SLX4IP: variants seen among roughly 807,000 people sequenced by gnomAD.
SLX4IP encodes SLX4 interacting protein.
SLX4IP carries 34 observed loss-of-function variants against 32.9 expected under a neutral mutation model. The observed-to-expected ratio is 1.03, with a 90% CI of 0.79 to 1.38. SLX4IP has a LOEUF of 1.38. SLX4IP is among the 40% of genes most tolerant of loss of function. SLX4IP has a pLI of 0.00. For missense variants in SLX4IP, 444 were observed against 479.0 expected, an observed-to-expected ratio of 0.93 and a Z score of 0.68; for synonymous variants, 172 against 171.7, an observed-to-expected ratio of 1.00 and a Z score of -0.01.
intron 1 of SLX4IP, among the ~76,000 whole-genome samples, chr20:10,453,539 G>GA (rs1018830828): frequency 2.6e-5 from 4 of 151,966 alleles, no homozygotes; most frequent in Admixed American, 2.6e-4. Flanking sequence ...AGCTTCCTGA[G>GA]AAAAAATACA....
intron 4 of SLX4IP, among the ~76,000 whole-genome samples, chr20:10,587,615 G>A (rs760061604): frequency 1.3e-5 from 2 of 152,016 alleles, no homozygotes; most frequent in Non-Finnish European, 2.9e-5. Context: ...CAAAGCTATA[G>A]CAAGCAAAAC....
At chr20:10,446,135 C>T (rs944230419) in intron 1 of SLX4IP, among the ~76,000 whole-genome samples, 1 of 151,548 alleles carries the variant, frequency 6.6e-6, no homozygotes, top group Non-Finnish European at 1.5e-5. Flanking sequence ...CTATGATGGC[C>T]GGATGCGGTG....
At chr20:10,522,867 G>C (rs1049563886) in intron 2 of SLX4IP, among the ~76,000 whole-genome samples, 11 of 152,200 alleles carry the variant, frequency 7.2e-5, no homozygotes, top group African/African-American at 2.4e-4. Flanking sequence ...CCACCACAGG[G>C]TTGCTTGGGC....
chr20:10,537,474 T>C (rs1217414876), intron 2 of SLX4IP, among the ~76,000 whole-genome samples: 1 of 152,246 alleles, frequency 6.6e-6, no homozygotes, highest in African/African-American at 2.4e-5. Context: ...ATAACTCTTT[T>C]TAAAATTTAG....
intron 2 of SLX4IP, among the ~76,000 whole-genome samples, chr20:10,550,726 A>G (rs1289690869): frequency 4.0e-5 from 6 of 151,364 alleles, no homozygotes; most frequent in Non-Finnish European, 8.8e-5. Context: ...CTGCATTGAG[A>G]CTCTTTTCCG....
intron 2 of SLX4IP, among the ~76,000 whole-genome samples, chr20:10,480,466 G>T (rs1181412480): frequency 6.6e-6 from 1 of 152,098 alleles, no homozygotes; most frequent in African/African-American, 2.4e-5. Context: ...CATCATTCCG[G>T]ATGTGTACTG....
chr20:10,512,641 TATATAGTA>T (rs2065816902), intron 2 of SLX4IP, among the ~76,000 whole-genome samples: 1 of 144,602 alleles, frequency 6.9e-6, no homozygotes, highest in Non-Finnish European at 1.5e-5. Flanking sequence ...ATATATAGTA[TATATAGTA>T]TTTTTTATAT....
At chr20:10,559,127 T>A (rs60993720) in intron 3 of SLX4IP, among the ~76,000 whole-genome samples, 17,184 of 146,458 alleles carry the variant, frequency 0.12, 1,448 homozygotes, top group African/African-American at 0.25. Flanking sequence ...AATTGTTTTT[T>A]AAAAAAAAAA....
At chr20:10,473,171 C>T (rs746151797) in intron 2 of SLX4IP, among the ~76,000 whole-genome samples, 41 of 152,200 alleles carry the variant, frequency 2.7e-4, no homozygotes, top group Admixed American at 6.5e-4. Flanking sequence ...GGCTGTTATA[C>T]GCTGTGGTGG....
chr20:10,439,229 TTTTGA>T (rs1487165954), intron 1 of SLX4IP, among the ~76,000 whole-genome samples: 8 of 152,156 alleles, frequency 5.3e-5, no homozygotes, highest in African/African-American at 1.7e-4. Flanking sequence ...TTTTTCATTT[TTTTGA>T]GACTGGGTCC....
chr20:10,517,403 A>G (rs2065859859), intron 2 of SLX4IP, among the ~76,000 whole-genome samples: 1 of 152,214 alleles, frequency 6.6e-6, no homozygotes, highest in Non-Finnish European at 1.5e-5. Flanking sequence ...GAGTGTTCTA[A>G]CAGAAGTGAT....
intron 2 of SLX4IP, among the ~76,000 whole-genome samples, chr20:10,513,524 C>T (rs935599792): frequency 1.3e-5 from 2 of 152,216 alleles, no homozygotes; most frequent in African/African-American, 2.4e-5. Context: ...ATTAGCTGCA[C>T]CTTTTCATTA....
chr20:10,497,390 A>G (rs1237389223), intron 2 of SLX4IP, among the ~76,000 whole-genome samples: 1 of 152,116 alleles, frequency 6.6e-6, no homozygotes, highest in African/African-American at 2.4e-5. Context: ...CTGATACTTT[A>G]TGCTTTCACT....
At chr20:10,481,293 G>A (rs187933528) in intron 2 of SLX4IP, among the ~76,000 whole-genome samples, 240 of 152,254 alleles carry the variant, frequency 1.6e-3, no homozygotes, top group African/African-American at 5.5e-3. Context: ...TATGTTTATA[G>A]CATCACTATT....
chr20:10,600,665 C>A (rs1047733488), intron 5 of SLX4IP, among the ~76,000 whole-genome samples: 2 of 152,110 alleles, frequency 1.3e-5, no homozygotes, highest in African/African-American at 4.8e-5. Flanking sequence ...AATTGAGATA[C>A]CTTATTACCT....
chr20:10,578,714 C>T (rs184944357), intron 4 of SLX4IP, among the ~76,000 whole-genome samples: 16 of 152,268 alleles, frequency 1.1e-4, no homozygotes, highest in African/African-American at 3.4e-4. Flanking sequence ...TATGAGGCTT[C>T]TATTTTCTCC....
rs2067109275 is a variant in SLX4IP at position 10,621,328 on chromosome 20, C to T, written c.420C>T (p.Leu140=). 2 of 1,614,152 alleles carry T rather than the reference C, an allele frequency of 1.2e-6. No homozygotes were observed. Among genetic ancestry groups the T allele is most frequent in the Non-Finnish European group, 1.7e-6 (2 of 1,179,984 alleles). The part of the protein sequence containing the change: ...SQNEDLTERV[L]HGVSDYFAEC... The stretch of plus-strand genomic sequence containing the variant: ...TTTTGGAGTAGACAGAAAGAGTTCT[C>T]CATGGAGTGTCTGATTACTTTGCTG... The change falls in exon 7 of 8, where the codon CTC becomes CTT. Residue 140 remains leucine (L), a synonymous_variant. Coordinates refer to ENST00000334534, the MANE Select transcript of SLX4IP (RefSeq NM_001009608.3).
rs1186441389 is a variant in SLX4IP at position 10,455,898 on chromosome 20, A to T, written c.-29-2278A>T. On this transcript the variant is annotated intron_variant, in intron 1 of 7. Transcript: ENST00000334534. ...AGTGCTGGGATTACAGGTGTGAGCC[A>T]CCGTGCCTGGCCTATATGTCTGTTC... Among the ~76,000 whole-genome samples, 7 of 152,132 alleles carry T rather than the reference A, an allele frequency of 4.6e-5. No homozygotes were observed. The South Asian group carries it at 6.2e-4, about 14-fold the overall frequency.
Position 10,504,089 on chromosome 20 carries a change from C to T in SLX4IP, c.27+45858C>T, listed in dbSNP as rs562134433. 4.5e-4 allele frequency among the ~76,000 whole-genome samples: 69 copies of T among 152,282 alleles called. 1 individual carries two copies. The highest frequency in any genetic ancestry group is 6.2e-4 in the South Asian group (3 of 4,824). On this transcript the variant is annotated intron_variant, in intron 2 of 7. Coordinates refer to ENST00000334534, the MANE Select transcript of SLX4IP (RefSeq NM_001009608.3). Reference sequence around the variant, plus strand: ...GCTCTTCGTGAGAAAGAAGCAGCAGCCATGAAGAAAGCCTAGATATTTTTA... The same window carrying T: ...GCTCTTCGTGAGAAAGAAGCAGCAGTCATGAAGAAAGCCTAGATATTTTTA...
Sources: gnomAD v4.1 joint callset for allele counts (sites outside exome capture counted in the v4.1 genomes callset) on GRCh38, gnomAD v4.1.1 for gene constraint, MANE v1.5 for transcripts, NCBI Gene and HGNC (gene_info 2026-07-23, HGNC 2026-07-21) for gene names.